Variants in SYT3 observed in about 807,000 individuals in gnomAD.
SYT3 encodes the protein synaptotagmin-3.
Under a neutral mutation model 50.6 loss-of-function variants are expected in SYT3, and 25 were observed. The ratio of observed to expected loss-of-function variants is 0.49; its 90% CI spans 0.36 to 0.69. The LOEUF (loss-of-function observed/expected upper bound fraction) is 0.69. Ranked by LOEUF, SYT3 falls within the 30% of genes least tolerant of loss-of-function variation. SYT3 has a pLI of 0.00. For synonymous variants in SYT3, 323 were observed against 353.9 expected, an observed-to-expected ratio of 0.91 and a Z score of 0.98; for missense variants, 589 against 793.6, an observed-to-expected ratio of 0.74 and a Z score of 3.10.
At position 50,629,897 on chromosome 19, in the gene SYT3, C is replaced by T. The variant is rs1405371056; in HGVS notation, c.949G>A (p.Val317Met). 2 of 1,614,122 alleles carry T rather than the reference C, an allele frequency of 1.2e-6. No individual in the cohort carries two copies. Among genetic ancestry groups the T allele is most frequent in the Non-Finnish European group, 8.5e-7 (1 of 1,179,998 alleles). The stretch of plus-strand genomic sequence containing the variant: ...TCCAGGGCCTGCAGGATCCTCACCA[C>T]CAGCTGGTCCGAGCCATAGAGGTAC... ...LRYLYGSDQL[V>M]VRILQALDLP... is the part of the protein sequence containing the mutation. Residue 317 changes from valine (V) to methionine (M), a missense_variant, in exon 5 of 11, where the codon GTG (valine) becomes ATG (methionine). Transcript: ENST00000600079.
the SYT3 span, chr19:50,656,464 G>T: frequency 3.7e-6 from 5 of 1,346,032 alleles, no homozygotes; most frequent in Admixed American, 5.5e-5. Context: ...TAAGCTGTGG[G>T]CTTGCCACCA....
rs929823906 is a variant in SYT3 at position 50,625,020 on chromosome 19, C to G, written c.1707+142G>C. 5 of 911,710 alleles carry G rather than the reference C, an allele frequency of 5.5e-6. No individual in the cohort carries two copies. Among genetic ancestry groups the G allele is most frequent in the Non-Finnish European group, 7.5e-6 (5 of 670,736 alleles). The allele number at this position is 911,710 out of a possible 1,614,324, so 56.5% of individuals were successfully genotyped here. On this transcript the variant is annotated intron_variant, in intron 9 of 10. Coordinates refer to ENST00000600079, the MANE Select transcript of SYT3 (RefSeq NM_001160329.2). This position sits in a 1 kb window ranked among gnomAD's most constrained non-coding sequence, Gnocchi z 7.5. ...CTTGGGTAACTGGCTCTAAGCCGCA[C>G]AGCTAAAGTTGGCACAGCAGGGATT...
At chr19:50,622,615 G>A (rs1983891441) in intron 10 of SYT3, 72 bp downstream of exon 10, 2 of 1,053,224 alleles carry the variant, frequency 1.9e-6, no homozygotes, top group African/African-American at 1.5e-5. Context: ...AGGAGTCCAG[G>A]CCCCCAGCCC....
At chr19:50,627,972 C>T (rs568969234) in intron 6 of SYT3, among the ~76,000 whole-genome samples, 1 of 152,194 alleles carries the variant, frequency 6.6e-6, no homozygotes, top group Non-Finnish European at 1.5e-5. Context: ...AAAGGCTGGG[C>T]TTGGGGGCCA....
At chr19:50,626,225 G>A (rs1984055948) in intron 6 of SYT3, 1 of 641,202 alleles carries the variant, frequency 1.6e-6, no homozygotes, top group Non-Finnish European at 2.5e-6. Flanking sequence ...TGTTCTGCAG[G>A]AAAGATTGGA....
At chr19:50,623,613 CAAAAAAAA>C (rs529397903) in intron 9 of SYT3, among the ~76,000 whole-genome samples, 60 of 91,578 alleles carry the variant, frequency 6.6e-4, no homozygotes, top group African/African-American at 2.4e-3. Flanking sequence ...CCTGTCTCTA[CAAAAAAAA>C]AAAAAAAAAA....
upstream of SYT3, chr19:50,639,926 A>C (rs1227756492): frequency 2.2e-5 from 3 of 135,670 alleles, no homozygotes; most frequent in South Asian, 2.1e-4. This position sits in a 1 kb window ranked among gnomAD's most constrained non-coding sequence, Gnocchi z 4.6. Flanking sequence ...TCCTTCCCCC[A>C]CTCCGAACCC....
At chr19:50,628,899 A>C (rs1599815349) in intron 6 of SYT3, among the ~76,000 whole-genome samples, 1 of 148,102 alleles carries the variant, frequency 6.8e-6, no homozygotes, top group African/African-American at 2.5e-5. Flanking sequence ...ATCTCTGCTC[A>C]CCACAACCTC....
At chr19:50,648,549 G>A in the SYT3 span, among the ~76,000 whole-genome samples, 2 of 152,086 alleles carry the variant, frequency 1.3e-5, no homozygotes, top group African/African-American at 2.4e-5. Flanking sequence ...GCACCTACAC[G>A]GCTAGACCCC....
At chr19:50,629,205 G>A in intron 6 of SYT3, 89 bp downstream of exon 6, 1 of 1,008,164 alleles carries the variant, frequency 9.9e-7, no homozygotes, top group East Asian at 2.6e-5. Flanking sequence ...AAGAAGTGAG[G>A]AAGTTATGAA....
At chr19:50,651,266 T>C in the SYT3 span, among the ~76,000 whole-genome samples, 1 of 152,192 alleles carries the variant, frequency 6.6e-6, no homozygotes, top group African/African-American at 2.4e-5. Flanking sequence ...CAGGTGACTC[T>C]CTTCTCTTTT....
At chr19:50,649,575 C>T in the SYT3 span, 32 of 1,501,970 alleles carry the variant, frequency 2.1e-5, no homozygotes, top group Admixed American at 5.9e-4. Context: ...CGTAGTAGCC[C>T]GGGCTCACAG....
At chr19:50,644,185 A>T (rs1297878436), upstream of SYT3, among the ~76,000 whole-genome samples, 1 of 152,202 alleles carries the variant, frequency 6.6e-6, no homozygotes, top group Non-Finnish European at 1.5e-5. Context: ...TGAACATGTG[A>T]ATGGATAAGT....
chr19:50,641,463 C>T (rs1245507901), upstream of SYT3, among the ~76,000 whole-genome samples: 1 of 151,788 alleles, frequency 6.6e-6, no homozygotes, highest in Non-Finnish European at 1.5e-5. Flanking sequence ...GCCACCGCGC[C>T]CGGCCTAGCC....
the SYT3 span, among the ~76,000 whole-genome samples, chr19:50,653,331 G>A: frequency 5.3e-5 from 8 of 152,216 alleles, no homozygotes; most frequent in East Asian, 1.5e-3. Context: ...GAGCTACTGT[G>A]CCCGGCCACA....
chr19:50,625,540 A>T lies in SYT3; in HGVS notation c.1427T>A (p.Ile476Asn). 6.2e-7 allele frequency: 1 copy of T among 1,600,690 alleles called. No homozygotes were observed. The highest frequency in any genetic ancestry group is 8.5e-7 in the Non-Finnish European group (1 of 1,173,930). ...CTTCTTCAGACGCCGCCCCTCGCTG[A>T]TCAGGGAGGCCTTCACGTAGGGGTC... is the stretch of plus-strand genomic sequence containing the variant. ...FSDPYVKASL[I>N]SEGRRLKKRK... Residue 476 changes from isoleucine (I) to asparagine (N), a missense_variant, in exon 8 of 11, where the codon ATC becomes AAC. Ile to Asn is a moderately radical substitution (Grantham distance 149). Transcript: ENST00000600079. This position sits in a 1 kb window ranked among gnomAD's most constrained non-coding sequence, Gnocchi z 7.5.
At chr19:50,640,938 A>G (rs559836961), upstream of SYT3, among the ~76,000 whole-genome samples, 2 of 152,188 alleles carry the variant, frequency 1.3e-5, no homozygotes, top group South Asian at 4.2e-4. Context: ...CTAGGTAAAA[A>G]TCAAAGGCTG....
chr19:50,636,617 C>T (rs1399548001), intron 3 of SYT3, among the ~76,000 whole-genome samples: 1 of 152,228 alleles, frequency 6.6e-6, no homozygotes, highest in East Asian at 1.9e-4. Flanking sequence ...CAGAACCCTG[C>T]TGCTTTCTAG....
upstream of SYT3, among the ~76,000 whole-genome samples, chr19:50,643,348 G>T (rs1984709294): frequency 6.6e-6 from 1 of 151,792 alleles, no homozygotes; most frequent in Non-Finnish European, 1.5e-5. Flanking sequence ...TCCCGTCCTT[G>T]TGCCTTCTTG....
Sources: gnomAD v4.1 joint callset for allele counts (sites outside exome capture counted in the v4.1 genomes callset) on GRCh38, gnomAD v4.1.1 for gene constraint, Gnocchi (gnomAD v3.1) non-coding constraint, MANE v1.5 for transcripts, NCBI Gene and HGNC (gene_info 2026-07-23, HGNC 2026-07-21) for gene names.